LAMA2: variants seen among roughly 807,000 people sequenced by gnomAD.
The protein encoded by LAMA2 is laminin subunit alpha-2.
Under a neutral mutation model 364.8 loss-of-function variants are expected in LAMA2, and 269 were observed. The observed-to-expected ratio is 0.74, with a 90% CI of 0.67 to 0.82. The LOEUF is 0.82. Among genes scored for constraint, LAMA2 ranks in the 40% least tolerant of loss-of-function variants. The pLI, the probability that LAMA2 is intolerant of heterozygous loss-of-function variation, is 0.00. For synonymous variants in LAMA2, 1,379 were observed against 1,370.6 expected (o/e 1.01, Z -0.14); for missense variants, 3,807 against 3,873.2 (o/e 0.98, Z 0.45).
At chr6:129,464,860 A>G (rs1442577156) in intron 50 of LAMA2, among the ~76,000 whole-genome samples, 1 of 151,896 alleles carries the variant, frequency 6.6e-6, no homozygotes, top group Non-Finnish European at 1.5e-5. Flanking sequence ...CTGGGAACAT[A>G]CCTTTTGGTT....
chr6:129,419,276 C>T (rs892161466), intron 40 of LAMA2, among the ~76,000 whole-genome samples: 31 of 152,144 alleles, frequency 2.0e-4, no homozygotes, highest in African/African-American at 7.0e-4. Flanking sequence ...TTCTTCAAGA[C>T]AATAATGCTC....
At position 129,503,587 on chromosome 6, in the gene LAMA2, C is replaced by T. The variant is rs868415007; in HGVS notation, c.8547+307C>T. Among the ~76,000 whole-genome samples the T allele has an allele frequency of 1.1e-4, 17 of 152,280 alleles. No homozygotes were observed. In the South Asian group the frequency reaches 1.7e-3, roughly 15 times the overall value. ...CATTTCCACTGCTCTAAGTGAGAAA[C>T]GTAGAACAGAGTGTGTTCACCATCA... On this transcript the variant is annotated intron_variant, in intron 60 of 64. Coordinates refer to ENST00000421865, the MANE Select transcript of LAMA2 (RefSeq NM_000426.4).
At chr6:129,468,297 A>G (rs1005882809) in intron 51 of LAMA2, among the ~76,000 whole-genome samples, 2 of 151,826 alleles carry the variant, frequency 1.3e-5, no homozygotes, top group African/African-American at 2.4e-5. Context: ...CCTTCTGCCC[A>G]TGGTTGTTAC....
chr6:128,942,154 C>T (rs149899592), intron 1 of LAMA2, among the ~76,000 whole-genome samples: 7 of 152,136 alleles, frequency 4.6e-5, no homozygotes, highest in East Asian at 1.9e-4. Context: ...AGCTCTGTTT[C>T]GGACATTAAG....
In LAMA2 at chr6:129,478,737, T is replaced by C. The variant is rs1299471439; in HGVS notation, c.7496T>C (p.Ile2499Thr). ...LKKYSGCLKD[I>T]EISRTPYNIL... Reference sequence around the variant, plus strand: ...AAATATTCCGGCTGCCTCAAAGATATTGAAATTTCAAGAACTCCGTACAAT... The same window carrying C: ...AAATATTCCGGCTGCCTCAAAGATACTGAAATTTCAAGAACTCCGTACAAT... Residue 2499 changes from isoleucine to threonine, a missense_variant, in exon 54 of 65, where the codon ATT (isoleucine) becomes ACT (threonine). By Grantham distance (89) the Ile-to-Thr change is moderately conservative (BLOSUM62 -1). Around this residue, in one of 3 missense-constraint regions of LAMA2, gnomAD observed 3,333 missense variants for 3,345.7 expected, o/e 1.00. Coordinates refer to ENST00000421865, the MANE Select transcript of LAMA2 (RefSeq NM_000426.4). The C allele has an allele frequency of 8.1e-6, 13 of 1,613,072 alleles. No individual in the cohort carries two copies. Among genetic ancestry groups the C allele is most frequent in the East Asian group, 6.7e-5 (3 of 44,860 alleles).
intron 8 of LAMA2, among the ~76,000 whole-genome samples, chr6:129,156,327 T>G (rs1048920501): frequency 6.6e-6 from 1 of 151,946 alleles, no homozygotes; most frequent in African/African-American, 2.4e-5. Context: ...ATAGCATATC[T>G]CTCCATTTAT....
chr6:129,400,601 A>G (rs186216379), intron 37 of LAMA2, among the ~76,000 whole-genome samples: 4 of 152,308 alleles, frequency 2.6e-5, no homozygotes, highest in Admixed American at 2.6e-4. Context: ...AGAAATAGCA[A>G]TATTTGTCTC....
intron 26 of LAMA2, 34 bp from the exon 27 acceptor site, chr6:129,316,004 G>C: frequency 2.5e-6 from 4 of 1,613,922 alleles, no homozygotes; most frequent in Non-Finnish European, 3.4e-6. Flanking sequence ...TTTGCATTCA[G>C]TTTTGTCATA....
chr6:129,172,880 C>G (rs903554334), intron 9 of LAMA2, among the ~76,000 whole-genome samples: 4 of 152,226 alleles, frequency 2.6e-5, no homozygotes, highest in Non-Finnish European at 5.9e-5. Flanking sequence ...CATGGTTCAC[C>G]GTTTTTTAAG....
At chr6:129,114,660 A>G (rs1776357321) in intron 4 of LAMA2, among the ~76,000 whole-genome samples, 1 of 151,944 alleles carries the variant, frequency 6.6e-6, no homozygotes, top group Non-Finnish European at 1.5e-5. Flanking sequence ...TGTCTTTCTT[A>G]GATGATTAGG....
intron 1 of LAMA2, chr6:128,928,969 C>A: frequency 4.8e-6 from 5 of 1,049,506 alleles, no homozygotes; most frequent in Non-Finnish European, 7.5e-6. Context: ...TACAGGGAAG[C>A]TACTCATTCC....
chr6:129,462,784 A>G (rs1783325278), intron 49 of LAMA2, among the ~76,000 whole-genome samples: 1 of 151,896 alleles, frequency 6.6e-6, no homozygotes, highest in Non-Finnish European at 1.5e-5. Context: ...CTTTCAGGAA[A>G]ACACTTATCA....
intron 60 of LAMA2, among the ~76,000 whole-genome samples, chr6:129,503,776 G>C (rs545593953): frequency 1.3e-5 from 2 of 152,202 alleles, no homozygotes; most frequent in Non-Finnish European, 2.9e-5. Flanking sequence ...CCACACAGTG[G>C]TCTGTGAAAA....
At chr6:128,937,936 G>A (rs1196349298) in intron 1 of LAMA2, among the ~76,000 whole-genome samples, 1 of 150,754 alleles carries the variant, frequency 6.6e-6, no homozygotes, top group Admixed American at 6.6e-5. Context: ...TTCTCTCTTA[G>A]AACGTCTTTT....
chr6:129,023,922 C>T (rs1319254117), intron 1 of LAMA2, among the ~76,000 whole-genome samples: 1 of 152,022 alleles, frequency 6.6e-6, no homozygotes, highest in Non-Finnish European at 1.5e-5. Context: ...GTCATTCAGT[C>T]CATTTTTGTT....
At chr6:128,995,248 C>T (rs1783854603) in intron 1 of LAMA2, among the ~76,000 whole-genome samples, 1 of 152,114 alleles carries the variant, frequency 6.6e-6, no homozygotes, top group South Asian at 2.1e-4. Context: ...GTATATATCA[C>T]ACAAGATATA....
Position 129,291,632 on chromosome 6 carries a change from G to A in LAMA2, c.2768G>A (p.Gly923Asp). The change falls in exon 20 of 65, where the codon GGT (glycine) becomes GAT (aspartate). Residue 923 changes from glycine (G) to aspartate (D), a missense_variant. Gly to Asp is a moderately conservative substitution (Grantham distance 94, BLOSUM62 -1). Coordinates refer to ENST00000421865, the MANE Select transcript of LAMA2 (RefSeq NM_000426.4). ...TTTGCAGCCTGTCGCTGTAATGCCG[G>A]TGGCTCTTTCTCTGAGGTTTGCCAC... is the stretch of plus-strand genomic sequence containing the variant. ...KNCQPCRCNAGGSFSEVCHSQ... is the reference protein window; with the variant it reads ...KNCQPCRCNADGSFSEVCHSQ... The A allele has an allele frequency of 6.2e-7, 1 of 1,613,936 alleles. No homozygotes were observed. Among genetic ancestry groups the A allele is most frequent in the South Asian group, 1.1e-5 (1 of 91,082 alleles).
At chr6:129,239,304 T>C (rs369857735) in intron 12 of LAMA2, among the ~76,000 whole-genome samples, 189 of 152,320 alleles carry the variant, frequency 1.2e-3, no homozygotes, top group African/African-American at 4.2e-3. Flanking sequence ...AACTGTACTC[T>C]TTTCCACTAT....
chr6:129,140,356 C>A lies in LAMA2; in HGVS notation c.640-3545C>A, dbSNP rs184437802. 1.3e-3 allele frequency among the ~76,000 whole-genome samples: 201 copies of A among 152,142 alleles called. 5 individuals carry two copies. The highest frequency in any genetic ancestry group is 0.012 in the Admixed American group (181 of 15,278). Reference sequence around the variant, plus strand: ...AGATGTTTCTGATAAGGTTTCCCCCCCTTTATTTGCCTTGGAAAACAAATT... The same window carrying A: ...AGATGTTTCTGATAAGGTTTCCCCCACTTTATTTGCCTTGGAAAACAAATT... On this transcript the variant is annotated intron_variant, in intron 4 of 64. Transcript: ENST00000421865.
Sources: gnomAD v4.1 joint callset for allele counts (sites outside exome capture counted in the v4.1 genomes callset) on GRCh38, gnomAD v4.1.1 for gene constraint, gnomAD v4.1.1 regional missense constraint, MANE v1.5 for transcripts, NCBI Gene and HGNC (gene_info 2026-07-23, HGNC 2026-07-21) for gene names.